Variants in SUGCT observed in about 807,000 individuals in gnomAD.
SUGCT encodes succinyl-CoA:glutarate-CoA transferase.
A neutral mutation model predicts 55.0 loss-of-function variants in SUGCT; 41 were observed. That is an observed-to-expected ratio of 0.74 (90% CI 0.58 to 0.97). SUGCT has a LOEUF of 0.97. Ranked by LOEUF, SUGCT falls within the 50% of genes least tolerant of loss-of-function variation. The pLI is 0.00. For missense variants in SUGCT, 568 were observed against 547.8 expected (o/e 1.04, Z -0.37); for synonymous variants, 187 against 200.4 (o/e 0.93, Z 0.56).
the SUGCT span, among the ~76,000 whole-genome samples, chr7:40,930,211 G>A: frequency 1.3e-5 from 2 of 152,112 alleles, no homozygotes; most frequent in African/African-American, 2.4e-5. Flanking sequence ...TGTCAGGTTT[G>A]TCAAAGAACA....
At chr7:40,898,584 C>T in the SUGCT span, among the ~76,000 whole-genome samples, 1 of 143,274 alleles carries the variant, frequency 7.0e-6, no homozygotes, top group East Asian at 2.2e-4. Context: ...TTATTTTGGG[C>T]GAGGTGGTGG....
chr7:40,695,236 T>G (rs2128655608), intron 12 of SUGCT, among the ~76,000 whole-genome samples: 1 of 151,498 alleles, frequency 6.6e-6, no homozygotes, highest in Non-Finnish European at 1.5e-5. Flanking sequence ...GGGTCTCTGC[T>G]GCTCATGCTG....
intron 7 of SUGCT, among the ~76,000 whole-genome samples, chr7:40,261,803 G>A (rs1217704876): frequency 1.3e-5 from 2 of 152,202 alleles, no homozygotes; most frequent in Non-Finnish European, 2.9e-5. Context: ...AGAAGTTGGA[G>A]CCATTGACTT....
At chr7:40,330,999 A>G (rs1796280968) in intron 9 of SUGCT, among the ~76,000 whole-genome samples, 1 of 152,164 alleles carries the variant, frequency 6.6e-6, no homozygotes, top group Non-Finnish European at 1.5e-5. Flanking sequence ...CCTGCGCCAC[A>G]TTGAAAGAAG....
the SUGCT span, among the ~76,000 whole-genome samples, chr7:41,019,672 C>A: frequency 6.6e-6 from 1 of 152,140 alleles, no homozygotes; most frequent in Non-Finnish European, 1.5e-5. Flanking sequence ...GAGAAAGATG[C>A]AGTTGCTTTC....
chr7:40,363,895 C>T (rs1783785193), intron 9 of SUGCT, among the ~76,000 whole-genome samples: 1 of 152,078 alleles, frequency 6.6e-6, no homozygotes, highest in Admixed American at 6.6e-5. Flanking sequence ...GTTGATCTGT[C>T]TAATGTTGAC....
intron 5 of SUGCT, among the ~76,000 whole-genome samples, chr7:40,191,459 A>G (rs1427638135): frequency 1.3e-5 from 2 of 152,244 alleles, no homozygotes; most frequent in African/African-American, 4.8e-5. Flanking sequence ...CTGCTGGATC[A>G]ATGCAGCCAA....
chr7:40,717,729 A>G (rs1334470181), intron 12 of SUGCT, among the ~76,000 whole-genome samples: 3 of 152,236 alleles, frequency 2.0e-5, no homozygotes, highest in Admixed American at 2.0e-4. Context: ...ATATTTACAA[A>G]TAACGCTGTA....
chr7:40,442,723 C>T (rs1788582797), intron 9 of SUGCT, among the ~76,000 whole-genome samples: 1 of 151,846 alleles, frequency 6.6e-6, no homozygotes. Flanking sequence ...TTATAAAAAG[C>T]TCATTTTTAA....
intron 12 of SUGCT, among the ~76,000 whole-genome samples, chr7:40,529,807 C>A (rs1291140907): frequency 1.3e-5 from 2 of 152,074 alleles, no homozygotes; most frequent in Non-Finnish European, 2.9e-5. Context: ...ATGATAAAAA[C>A]CGCAATTACT....
At chr7:40,880,910 T>C in the SUGCT span, among the ~76,000 whole-genome samples, 1 of 152,168 alleles carries the variant, frequency 6.6e-6, no homozygotes, top group Non-Finnish European at 1.5e-5. Context: ...CAACAGCTTA[T>C]TGTGAGGTAG....
chr7:40,864,437 C>T (rs189337235), downstream of SUGCT, among the ~76,000 whole-genome samples: 1 of 152,110 alleles, frequency 6.6e-6, no homozygotes. Flanking sequence ...CAGACATGAG[C>T]CACCATGCCC....
At chr7:40,222,510 G>A (rs904261672) in intron 6 of SUGCT, among the ~76,000 whole-genome samples, 2 of 152,030 alleles carry the variant, frequency 1.3e-5, no homozygotes, top group Admixed American at 1.3e-4. Flanking sequence ...TGATTTTTTT[G>A]GAAGTACTGT....
chr7:40,368,973 G>A (rs1421444323), intron 9 of SUGCT, among the ~76,000 whole-genome samples: 1 of 151,936 alleles, frequency 6.6e-6, no homozygotes, highest in East Asian at 1.9e-4. Context: ...GCATGGTGGC[G>A]GGTGCCTGTA....
At chr7:40,820,226 A>G (rs1486395644) in intron 13 of SUGCT, among the ~76,000 whole-genome samples, 1 of 152,212 alleles carries the variant, frequency 6.6e-6, no homozygotes, top group African/African-American at 2.4e-5. Flanking sequence ...CTTTTGGCTT[A>G]GGATCGTCTT....
At chr7:40,652,044 G>A (rs934779268) in intron 12 of SUGCT, among the ~76,000 whole-genome samples, 1 of 151,470 alleles carries the variant, frequency 6.6e-6, no homozygotes, top group African/African-American at 2.4e-5. Context: ...ATGTTTTCAT[G>A]AAATTTCTAC....
At chr7:40,792,806 G>A (rs1205330641) in intron 13 of SUGCT, among the ~76,000 whole-genome samples, 5 of 152,078 alleles carry the variant, frequency 3.3e-5, no homozygotes, top group Non-Finnish European at 7.4e-5. Context: ...TAAGAATCAG[G>A]TACTGGGCCT....
intron 7 of SUGCT, among the ~76,000 whole-genome samples, chr7:40,273,890 C>T (rs574055369): frequency 1.5e-4 from 23 of 152,212 alleles, no homozygotes; most frequent in Non-Finnish European, 2.9e-4. Context: ...GTGCCCAGTG[C>T]TCCATGTCCC....
chr7:40,742,951 G>A (rs948538517), intron 12 of SUGCT, among the ~76,000 whole-genome samples: 1 of 152,146 alleles, frequency 6.6e-6, no homozygotes, highest in South Asian at 2.1e-4. Flanking sequence ...GTAAGATATT[G>A]TGTGTTTTAA....
Sources: gnomAD v4.1 joint callset for allele counts (sites outside exome capture counted in the v4.1 genomes callset) on GRCh38, gnomAD v4.1.1 for gene constraint, MANE v1.5 for transcripts, NCBI Gene and HGNC (gene_info 2026-07-23, HGNC 2026-07-21) for gene names.